NRXN2: variants seen among roughly 807,000 people sequenced by gnomAD.
NRXN2 encodes the protein neurexin 2, also known as neurexin-2-beta.
Under a neutral mutation model 128.8 loss-of-function variants are expected in NRXN2, and 29 were observed. The ratio of observed to expected loss-of-function variants is 0.23; its 90% CI spans 0.17 to 0.31. The LOEUF is 0.31. Ranked by LOEUF, NRXN2 falls within the 10% of genes least tolerant of loss-of-function variation. NRXN2 has a pLI of 1.00. For missense variants in NRXN2, 1,881 were observed against 2,452.6 expected, an observed-to-expected ratio of 0.77 and a Z score of 4.92; for synonymous variants, 1,098 against 1,075.2, an observed-to-expected ratio of 1.02 and a Z score of -0.41.
chr11:64,651,110 C>T lies in NRXN2; in HGVS notation c.2918+145G>A, dbSNP rs1313161300. ...TCTCCATCTTGGCTGAAGAGGGAGC[C>T]TCTCGACTTACGGTCGGGGACCTGA... On this transcript the variant is annotated intron_variant, in intron 14 of 22. Coordinates refer to ENST00000265459, the MANE Select transcript of NRXN2 (RefSeq NM_015080.4). This position sits in a 1 kb window ranked among gnomAD's most constrained non-coding sequence, Gnocchi z 5.9. 5 of 1,106,604 alleles carry T rather than the reference C, an allele frequency of 4.5e-6. No individual in the cohort carries two copies. In the Admixed American group the frequency reaches 5.5e-5, roughly 12 times the overall value. 68.5% of individuals were successfully genotyped at this position (1,106,604 alleles called of 1,614,324 possible).
chr11:64,623,159 C>A lies in NRXN2; in HGVS notation c.3848-81G>T. 2 of 1,508,206 alleles carry A rather than the reference C, an allele frequency of 1.3e-6. No individual in the cohort carries two copies. The highest frequency in any genetic ancestry group is 1.8e-6 in the Non-Finnish European group (2 of 1,125,134). The allele number at this position is 1,508,206 out of a possible 1,614,324, so 93.4% of individuals were successfully genotyped here. ...GAAGGGAAGGAAGAAAAGAAGGAAG[C>A]CAAGGAGAGGAAAGAGGAATGGAGG... is the stretch of plus-strand genomic sequence containing the variant. On this transcript the variant is annotated intron_variant, in intron 20 of 22. Coordinates refer to ENST00000265459, the MANE Select transcript of NRXN2 (RefSeq NM_015080.4). The surrounding 1 kb of genome is among the most constrained non-coding windows in gnomAD (Gnocchi z 4.9).
intron 17 of NRXN2, among the ~76,000 whole-genome samples, chr11:64,640,520 T>G (rs1406906071): frequency 6.7e-6 from 1 of 148,166 alleles, no homozygotes; most frequent in African/African-American, 2.5e-5. Context: ...AAGGAGACAA[T>G]GAAAGGGGGA....
In NRXN2 at chr11:64,608,066, C is replaced by T; in HGVS notation, c.4269G>A (p.Leu1423=). The part of the protein sequence containing the change: ...CEPSTGGELI[L]PIITEDSLDP... The stretch of plus-strand genomic sequence containing the variant: ...CTAAGGAGTCCTCCGTGATAATGGG[C>T]AATATTAACTCTCCTCCTAGAACAA... The change falls in exon 23 of 23, where the codon TTG becomes TTA. Residue 1423 remains leucine (L), a synonymous_variant. Transcript: ENST00000265459. 1 of 1,585,574 alleles carries T rather than the reference C, an allele frequency of 6.3e-7. No homozygotes were observed. Among genetic ancestry groups the T allele is most frequent in the East Asian group, 2.3e-5 (1 of 44,434 alleles).
chr11:64,696,715 T>G (rs2054600373), intron 3 of NRXN2, among the ~76,000 whole-genome samples: 1 of 152,156 alleles, frequency 6.6e-6, no homozygotes, highest in Admixed American at 6.5e-5. Flanking sequence ...CCAGGACTAC[T>G]GCATCCCTGG....
chr11:64,653,753 A>T, intron 11 of NRXN2, 31 bp from the exon 12 acceptor site: 1 of 1,508,260 alleles, frequency 6.6e-7, no homozygotes, highest in Non-Finnish European at 9.0e-7. Context: ...GCAGAGGGGA[A>T]GGGGAGACAA....
intron 6 of NRXN2, among the ~76,000 whole-genome samples, chr11:64,678,338 C>T (rs1332075926): frequency 6.6e-6 from 1 of 152,020 alleles, no homozygotes; most frequent in Non-Finnish European, 1.5e-5. Context: ...CTTCAATCAC[C>T]CCAACCCCAT....
rs780155507 is a variant in NRXN2, at chr11:64,713,448, G to A, written c.252C>T (p.Asp84=). 1 of 1,521,906 alleles carries A rather than the reference G, an allele frequency of 6.6e-7. No homozygotes were observed. The highest frequency in any genetic ancestry group is 8.7e-7 in the Non-Finnish European group (1 of 1,143,508). The allele number at this position is 1,521,906 out of a possible 1,614,324, so 94.3% of individuals were successfully genotyped here. The part of the protein sequence containing the change: ...DCDFLELLLV[D]GRLRLRFTLS... ...GCGTGAAGCGCAGCCGCAGGCGGCC[G>A]TCCACCAGCAGCAGCTCCAGGAAGT... Residue 84 remains aspartate, a synonymous_variant, in exon 2 of 23, where the codon GAC becomes GAT. Transcript: ENST00000265459.
chr11:64,676,166 G>GA (rs1164063178), intron 7 of NRXN2: 1 of 152,546 alleles, frequency 6.6e-6, no homozygotes, highest in Non-Finnish European at 1.5e-5. Flanking sequence ...AAGACAGTGT[G>GA]AAACACAGTG....
intron 1 of NRXN2, among the ~76,000 whole-genome samples, chr11:64,722,275 C>T (rs1266210394): frequency 2.0e-5 from 3 of 150,322 alleles, no homozygotes; most frequent in Non-Finnish European, 4.4e-5. Context: ...ACTGATTTCC[C>T]AGTCTCCCTG....
At chr11:64,663,057 C>T (rs908451750) in intron 9 of NRXN2, among the ~76,000 whole-genome samples, 14 of 151,962 alleles carry the variant, frequency 9.2e-5, no homozygotes, top group Non-Finnish European at 1.5e-4. Context: ...TCATTCAGGA[C>T]GTGTTCCTCT....
In NRXN2 at chr11:64,668,434, C is replaced by T. The variant is rs2285340; in HGVS notation, c.1359+9G>A. 19,772 of 1,613,418 alleles carry T rather than the reference C, an allele frequency of 0.012. 1,334 individuals carry two copies. In the East Asian group the frequency reaches 0.2, roughly 17 times the overall value. The stretch of plus-strand genomic sequence containing the variant: ...GAACAGCCTGCAGCCCCTCCCTAGC[C>T]CTACTCACGTCCTTGAGGCAGCCCA... On this transcript the variant is annotated intron_variant, in intron 8 of 22. Coordinates refer to ENST00000265459, the MANE Select transcript of NRXN2 (RefSeq NM_015080.4).
chr11:64,706,122 TATATATA>T (rs2056261828), intron 2 of NRXN2, among the ~76,000 whole-genome samples: 1 of 1,504 alleles, frequency 6.6e-4, no homozygotes, highest in Non-Finnish European at 1.4e-3. Context: ...ATATATATAA[TATATATA>T]ATATATATTA....
At position 64,607,801 on chromosome 11, in the gene NRXN2, C is replaced by T; in HGVS notation, c.4534G>A (p.Asp1512Asn). 1.2e-6 allele frequency: 2 copies of T among 1,600,922 alleles called. No individual in the cohort carries two copies. The highest frequency in any genetic ancestry group is 1.7e-6 in the Non-Finnish European group (2 of 1,174,344). Reference sequence around the variant, plus strand: ...ACCAGGGGAAAGGTGGTGTAAAAGTCCTCGTCGTCCGTGGGGGGGAGGCTG... The same window carrying T: ...ACCAGGGGAAAGGTGGTGTAAAAGTTCTCGTCGTCCGTGGGGGGGAGGCTG... ...DSSLPPTDDE[D>N]FYTTFPLVTD... The change falls in exon 23 of 23, where the codon GAC (aspartate) becomes AAC (asparagine). Residue 1512 changes from aspartate to asparagine, a missense_variant. Asp to Asn is a conservative substitution (Grantham distance 23, BLOSUM62 1). Transcript: ENST00000265459.
chr11:64,673,626 A>G (rs963585256), intron 7 of NRXN2, among the ~76,000 whole-genome samples: 4 of 152,222 alleles, frequency 2.6e-5, no homozygotes, highest in Admixed American at 1.3e-4. Context: ...CTCAGAATTT[A>G]GCAGATACTT....
intron 11 of NRXN2, among the ~76,000 whole-genome samples, chr11:64,655,665 A>C (rs1031199082): frequency 2.0e-5 from 3 of 152,182 alleles, no homozygotes; most frequent in Non-Finnish European, 2.9e-5. Context: ...TGGGGGGTCC[A>C]TCTGTCCAGA....
At chr11:64,707,425 C>T (rs2056457897) in intron 2 of NRXN2, among the ~76,000 whole-genome samples, 2 of 151,816 alleles carry the variant, frequency 1.3e-5, no homozygotes, top group Admixed American at 6.6e-5. Flanking sequence ...AGGTTAGGTA[C>T]TCACCTAATG....
intron 3 of NRXN2, among the ~76,000 whole-genome samples, chr11:64,695,607 A>AACC (rs1168090454): frequency 6.6e-6 from 1 of 152,038 alleles, no homozygotes; most frequent in African/African-American, 2.4e-5. Flanking sequence ...CCCCAGAGAG[A>AACC]ACCACCATCG....
In NRXN2 at chr11:64,623,137, G is replaced by A; in HGVS notation, c.3848-59C>T. On this transcript the variant is annotated intron_variant, in intron 20 of 22. Coordinates refer to ENST00000265459, the MANE Select transcript of NRXN2 (RefSeq NM_015080.4). This position sits in a 1 kb window ranked among gnomAD's most constrained non-coding sequence, Gnocchi z 4.9. ...GCAGGCAGTGAGGGGAGACCAGGAAGGGAAGGAAGAAAAGAAGGAAGCCAA... is the reference window on the plus strand; with the variant it reads ...GCAGGCAGTGAGGGGAGACCAGGAAAGGAAGGAAGAAAAGAAGGAAGCCAA... 6.5e-7 allele frequency: 1 copy of A among 1,542,218 alleles called. No individual in the cohort carries two copies. Among genetic ancestry groups the A allele is most frequent in the Non-Finnish European group, 8.8e-7 (1 of 1,140,202 alleles).
At chr11:64,701,481 A>G (rs1381101581) in intron 2 of NRXN2, among the ~76,000 whole-genome samples, 3 of 152,196 alleles carry the variant, frequency 2.0e-5, no homozygotes, top group Non-Finnish European at 4.4e-5. Flanking sequence ...GTTCGCGCCT[A>G]TAATCCCAGC....
Sources: gnomAD v4.1 joint callset for allele counts (sites outside exome capture counted in the v4.1 genomes callset) on GRCh38, gnomAD v4.1.1 for gene constraint, Gnocchi (gnomAD v3.1) non-coding constraint, MANE v1.5 for transcripts, NCBI Gene and HGNC (gene_info 2026-07-23, HGNC 2026-07-21) for gene names.